SCHIP1: variants seen among roughly 807,000 people sequenced by gnomAD.
SCHIP1 encodes the protein schwannomin interacting protein 1, also known as schwannomin-interacting protein 1.
A neutral mutation model predicts 29.7 loss-of-function variants in SCHIP1; 8 were observed. The observed-to-expected ratio is 0.27, with a 90% confidence interval of 0.16 to 0.49. The LOEUF is 0.49. Among genes scored for constraint, SCHIP1 ranks in the 20% least tolerant of loss-of-function variants. SCHIP1 has a pLI of 0.99. For synonymous variants in SCHIP1, 76 were observed against 94.9 expected (o/e 0.80, Z 1.16); for missense variants, 193 against 294.6 (o/e 0.66, Z 2.52).
chr3:159,492,029 G>A, the SCHIP1 span, among the ~76,000 whole-genome samples: 550 of 152,272 alleles, frequency 3.6e-3, 7 homozygotes, highest in African/African-American at 0.012. Flanking sequence ...ACAGACCTGC[G>A]GCTGAAGGTC....
At chr3:159,856,647 G>A (rs1330533572) in intron 1 of SCHIP1, among the ~76,000 whole-genome samples, 1 of 152,236 alleles carries the variant, frequency 6.6e-6, no homozygotes, top group Admixed American at 6.5e-5. Flanking sequence ...ACAGCAGGGC[G>A]GTGAGTGGGC....
the SCHIP1 span, among the ~76,000 whole-genome samples, chr3:159,799,953 TCAGTTGGGACCCC>T: frequency 1.3e-5 from 2 of 152,152 alleles, no homozygotes; most frequent in African/African-American, 4.8e-5. Flanking sequence ...GGGGTCTAGT[TCAGTTGGGACCCC>T]CAGTTGAAGT....
At chr3:159,277,719 C>T in the SCHIP1 span, among the ~76,000 whole-genome samples, 4 of 150,758 alleles carry the variant, frequency 2.7e-5, no homozygotes, top group African/African-American at 9.7e-5. Context: ...GTCAGGAGTT[C>T]GAGACCAGCC....
At chr3:159,290,454 C>G in the SCHIP1 span, among the ~76,000 whole-genome samples, 1 of 152,020 alleles carries the variant, frequency 6.6e-6, no homozygotes, top group Non-Finnish European at 1.5e-5. Flanking sequence ...GAAAATAAAA[C>G]CTCTTTGAAT....
the SCHIP1 span, among the ~76,000 whole-genome samples, chr3:159,366,948 C>G: frequency 6.6e-6 from 1 of 152,132 alleles, no homozygotes; most frequent in African/African-American, 2.4e-5. Context: ...CCCCTGGAAA[C>G]TAGAAAAAAT....
the SCHIP1 span, among the ~76,000 whole-genome samples, chr3:159,720,774 G>A: frequency 6.6e-6 from 1 of 151,942 alleles, no homozygotes; most frequent in East Asian, 1.9e-4. Flanking sequence ...TAGTAGAGAC[G>A]GGGTTTTGCC....
chr3:159,624,313 T>G, the SCHIP1 span, among the ~76,000 whole-genome samples: 1 of 152,250 alleles, frequency 6.6e-6, no homozygotes, highest in Non-Finnish European at 1.5e-5. Flanking sequence ...CATACTTTAA[T>G]AGACCTGTAC....
At chr3:159,283,131 G>C in the SCHIP1 span, among the ~76,000 whole-genome samples, 1 of 152,066 alleles carries the variant, frequency 6.6e-6, no homozygotes, top group Non-Finnish European at 1.5e-5. Context: ...TATCAGGAAA[G>C]ATTTGAAATT....
chr3:159,807,038 G>T, the SCHIP1 span, among the ~76,000 whole-genome samples: 3 of 152,158 alleles, frequency 2.0e-5, no homozygotes, highest in Non-Finnish European at 4.4e-5. Context: ...TTGTTACTTT[G>T]TAGAGAATAA....
chr3:159,492,783 C>T, the SCHIP1 span, among the ~76,000 whole-genome samples: 1 of 152,018 alleles, frequency 6.6e-6, no homozygotes, highest in Non-Finnish European at 1.5e-5. Context: ...AAGAGCAACT[C>T]CAAGACACAT....
At chr3:159,288,506 G>A in the SCHIP1 span, among the ~76,000 whole-genome samples, 1 of 152,116 alleles carries the variant, frequency 6.6e-6, no homozygotes, top group Non-Finnish European at 1.5e-5. Flanking sequence ...GGGAGGCCGG[G>A]GCGGGCGGAT....
At chr3:159,717,401 T>C in the SCHIP1 span, among the ~76,000 whole-genome samples, 16 of 151,648 alleles carry the variant, frequency 1.1e-4, no homozygotes, top group African/African-American at 3.9e-4. Context: ...CTGAAGGAGA[T>C]AGAGACAAAA....
chr3:159,592,412 T>TAAC, the SCHIP1 span, among the ~76,000 whole-genome samples: 3 of 151,900 alleles, frequency 2.0e-5, no homozygotes, highest in African/African-American at 7.3e-5. Flanking sequence ...CCAAACTTCT[T>TAAC]AACACACCAT....
chr3:159,368,456 C>A, the SCHIP1 span, among the ~76,000 whole-genome samples: 1 of 152,124 alleles, frequency 6.6e-6, no homozygotes, highest in African/African-American at 2.4e-5. Flanking sequence ...TAGCACTGGC[C>A]TAGCAGTCAG....
At chr3:159,284,094 T>A in the SCHIP1 span, among the ~76,000 whole-genome samples, 1 of 152,194 alleles carries the variant, frequency 6.6e-6, no homozygotes, top group South Asian at 2.1e-4. Context: ...TTTCCTTTGG[T>A]CTCTAATTTC....
the SCHIP1 span, among the ~76,000 whole-genome samples, chr3:159,701,459 G>A: frequency 1.3e-5 from 2 of 152,008 alleles, no homozygotes; most frequent in Non-Finnish European, 2.9e-5. Context: ...ACTTTTAACT[G>A]CTAATTTGAT....
the SCHIP1 span, among the ~76,000 whole-genome samples, chr3:159,661,561 G>A: frequency 6.6e-6 from 1 of 152,198 alleles, no homozygotes; most frequent in East Asian, 1.9e-4. Flanking sequence ...AAATTAAAGA[G>A]TGTCTAATTC....
chr3:159,278,951 A>G, the SCHIP1 span, among the ~76,000 whole-genome samples: 1 of 152,152 alleles, frequency 6.6e-6, no homozygotes, highest in Non-Finnish European at 1.5e-5. Context: ...GGCTCTCAAG[A>G]CCACCTTACA....
chr3:159,724,700 G>A, the SCHIP1 span, among the ~76,000 whole-genome samples: 4 of 152,156 alleles, frequency 2.6e-5, no homozygotes, highest in Non-Finnish European at 4.4e-5. Context: ...AAGAAAATGA[G>A]TGACTCGAAT....
Sources: allele counts gnomAD v4.1 joint callset (sites outside exome capture counted in the v4.1 genomes callset), GRCh38; gene constraint gnomAD v4.1.1; transcripts MANE v1.5; gene names NCBI Gene and HGNC (gene_info 2026-07-23, HGNC 2026-07-21).